Variants in ERCC5 observed in about 807,000 individuals in gnomAD.
The protein encoded by ERCC5 is ERCC excision repair 5, endonuclease, also known as DNA excision repair protein ERCC-5.
In ERCC5, 68 loss-of-function variants were observed where a neutral mutation model predicts 105.6. The observed-to-expected ratio is 0.64, with a 90% CI of 0.53 to 0.79. ERCC5 has a LOEUF of 0.79. Among genes scored for constraint, ERCC5 ranks in the 30% least tolerant of loss-of-function variants. ERCC5 has a pLI of 0.00. For synonymous variants in ERCC5, 546 were observed against 526.2 expected, an observed-to-expected ratio of 1.04 and a Z score of -0.51; for missense variants, 1,373 against 1,426.7, an observed-to-expected ratio of 0.96 and a Z score of 0.61.
intron 6 of ERCC5, among the ~76,000 whole-genome samples, chr13:102,859,386 GCAGTAGCACA>G (rs1161183581): frequency 1.6e-4 from 24 of 152,254 alleles, no homozygotes; most frequent in African/African-American, 5.1e-4. Context: ...CAAAGAATGT[GCAGTAGCACA>G]CACTAAGGTG....
intron 12 of ERCC5, among the ~76,000 whole-genome samples, chr13:102,869,052 T>C (rs1882943669): frequency 6.6e-6 from 1 of 152,208 alleles, no homozygotes; most frequent in African/African-American, 2.4e-5. Flanking sequence ...CGTGAGATGC[T>C]GTTTGGTGGT....
At chr13:102,856,966 A>G (rs1390312559) in intron 5 of ERCC5, among the ~76,000 whole-genome samples, 1 of 152,242 alleles carries the variant, frequency 6.6e-6, no homozygotes, top group East Asian at 1.9e-4. Context: ...CTCAGAAGCT[A>G]GTTACTGCCC....
intron 1 of ERCC5, among the ~76,000 whole-genome samples, chr13:102,847,579 C>A (rs1167784880): frequency 6.6e-6 from 1 of 152,044 alleles, no homozygotes; most frequent in East Asian, 1.9e-4. Context: ...TCATTTTTTG[C>A]AAGTGAATAA....
intron 1 of ERCC5, chr13:102,849,134 G>A (rs1882095459): frequency 3.9e-6 from 2 of 518,878 alleles, no homozygotes; most frequent in Non-Finnish European, 7.7e-6. Context: ...CTTGTAGCAA[G>A]CAGAAACATC....
At chr13:102,858,568 C>T (rs758939400) in intron 6 of ERCC5, 150 bp downstream of exon 6, 101 of 1,230,394 alleles carry the variant, frequency 8.2e-5, no homozygotes, top group Non-Finnish European at 9.9e-5. Context: ...TAAGAAGCAT[C>T]GTATATTTAT....
Position 102,862,044 on chromosome 13 carries a change from A to G in ERCC5, c.895A>G (p.Thr299Ala), listed in dbSNP as rs1882639623. Reference sequence around the variant, plus strand: ...TTCTTCTTAAGGTATTCAAGCTAAGACAGTTGCAGAAGTGGATTCAGAGTC... The same window carrying G: ...TTCTTCTTAAGGTATTCAAGCTAAGGCAGTTGCAGAAGTGGATTCAGAGTC... ...YILIKGIQAKTVAEVDSESLP... is the reference protein window; with the variant it reads ...YILIKGIQAKAVAEVDSESLP... Residue 299 changes from threonine (T) to alanine (A), a missense_variant, in exon 8 of 15, where the codon ACA becomes GCA. By Grantham distance (58) the Thr-to-Ala change is moderately conservative. This residue lies in a region of ERCC5 where 1,004 missense variants were observed against 1,059.7 expected (regional missense o/e 0.95). Transcript: ENST00000652225. 2 of 1,614,242 alleles carry G rather than the reference A, an allele frequency of 1.2e-6. No individual in the cohort carries two copies. Among genetic ancestry groups the G allele is most frequent in the Non-Finnish European group, 1.7e-6 (2 of 1,180,046 alleles).
chr13:102,852,376 T>G, intron 2 of ERCC5, 83 bp downstream of exon 2: 1 of 1,533,656 alleles, frequency 6.5e-7, no homozygotes, highest in Non-Finnish European at 8.9e-7. Context: ...AAATTTTTGT[T>G]TTCTCTTTAG....
chr13:102,853,065 G>A (rs981440731), intron 2 of ERCC5, among the ~76,000 whole-genome samples: 9 of 152,150 alleles, frequency 5.9e-5, no homozygotes, highest in African/African-American at 2.2e-4. Context: ...TAGGATAAAA[G>A]TAAGGATATA....
In ERCC5 at chr13:102,846,297, G is replaced by C. The variant is rs778247692; in HGVS notation, c.31G>C (p.Glu11Gln). The C allele has an allele frequency of 1.9e-6, 3 of 1,614,018 alleles. No individual in the cohort carries two copies. The highest frequency in any genetic ancestry group is 3.3e-5 in the Admixed American group (2 of 60,018). MGVQGLWKLLECSGRQVSPEA... is the reference protein window; with the variant it reads MGVQGLWKLLQCSGRQVSPEA... ...GGTCCAGGGGCTCTGGAAGCTGCTG[G>C]AGTGCTCCGGGCGGCAGGTCAGCCC... The change falls in exon 1 of 15, where the codon GAG becomes CAG. Residue 11 changes from glutamate to glutamine, a missense_variant. By Grantham distance (29) the Glu-to-Gln change is conservative. This residue lies in a region of ERCC5 where 1,004 missense variants were observed against 1,059.7 expected (regional missense o/e 0.95). Transcript: ENST00000652225.
intron 6 of ERCC5, among the ~76,000 whole-genome samples, chr13:102,860,010 A>C (rs1882563045): frequency 1.3e-5 from 2 of 152,184 alleles, no homozygotes; most frequent in African/African-American, 4.8e-5. Context: ...TGGAACGTGA[A>C]TCCTCCCTTT....
chr13:102,858,020 A>G (rs1006798866), intron 5 of ERCC5, among the ~76,000 whole-genome samples: 9 of 152,186 alleles, frequency 5.9e-5, no homozygotes, highest in African/African-American at 2.2e-4. Context: ...CTTAGCACCT[A>G]GAACAGTGCC....
intron 11 of ERCC5, 85 bp from the exon 12 acceptor site, chr13:102,868,028 C>A: frequency 7.6e-7 from 1 of 1,312,854 alleles, no homozygotes; most frequent in Non-Finnish European, 1.1e-6. Flanking sequence ...TAGATATACA[C>A]ACGTACATGA....
intron 12 of ERCC5, among the ~76,000 whole-genome samples, chr13:102,870,744 C>T (rs187389055): frequency 6.6e-6 from 1 of 152,132 alleles, no homozygotes; most frequent in African/African-American, 2.4e-5. Context: ...TAGTAATTTC[C>T]AACGCTAGAT....
At chr13:102,848,694 G>A (rs759522156) in intron 1 of ERCC5, among the ~76,000 whole-genome samples, 10 of 152,038 alleles carry the variant, frequency 6.6e-5, no homozygotes, top group African/African-American at 1.2e-4. Flanking sequence ...TTAATTTTGC[G>A]TATATAAACT....
Position 102,862,343 on chromosome 13 carries a change from C to T in ERCC5, c.1194C>T (p.Asp398=), listed in dbSNP as rs149980370. The T allele has an allele frequency of 1.1e-5, 17 of 1,613,940 alleles. No individual in the cohort carries two copies. Among genetic ancestry groups the T allele is most frequent in the Middle Eastern group, 1.6e-4 (1 of 6,062 alleles). Residue 398 remains aspartate (D), a synonymous_variant, in exon 8 of 15, where the codon GAC becomes GAT. Coordinates refer to ENST00000652225, the MANE Select transcript of ERCC5 (RefSeq NM_000123.4). ...LSAIKRALDD[D]EDVKVCAGDD... ...CCATTAAGAGAGCTCTTGACGATGACGAAGATGTAAAAGTGTGTGCTGGGG... is the reference window on the plus strand; with the variant it reads ...CCATTAAGAGAGCTCTTGACGATGATGAAGATGTAAAAGTGTGTGCTGGGG...
rs768007703 is a variant in ERCC5 at position 102,861,561 on chromosome 13, C to A, written c.727C>A (p.Leu243Met). The A allele has an allele frequency of 6.2e-7, 1 of 1,614,108 alleles. No individual in the cohort carries two copies. The highest frequency in any genetic ancestry group is 1.7e-5 in the Admixed American group (1 of 60,016). Residue 243 changes from leucine to methionine, a missense_variant, in exon 7 of 15, where the codon CTG becomes ATG. Coordinates refer to ENST00000652225, the MANE Select transcript of ERCC5 (RefSeq NM_000123.4). Reference protein sequence around the residue: ...QLKGLLKKNYLNQHIEHVQKE... With the variant: ...QLKGLLKKNYMNQHIEHVQKE... The stretch of plus-strand genomic sequence containing the variant: ...CAAAGGCTTGCTTAAAAAGAACTAT[C>A]TGAACCAGCATATAGAACATGTCCA...
In ERCC5 at chr13:102,854,378, A is replaced by T. The variant is rs372582779; in HGVS notation, c.467+4A>T. The T allele has an allele frequency of 4.3e-6, 7 of 1,613,298 alleles. No homozygotes were observed. In the African/African-American group the frequency reaches 9.3e-5, roughly 22 times the overall value. On this transcript the variant is annotated splice_donor_region_variant and intron_variant, in intron 4 of 14. Transcript: ENST00000652225. The stretch of plus-strand genomic sequence containing the variant: ...TACAAGAGGAAGAAAAACACAGGTA[A>T]ATGTTTAACTATTTAAGAATATTAT...
chr13:102,853,952 C>G (rs1882301874), intron 3 of ERCC5, 80 bp downstream of exon 3: 1 of 1,371,400 alleles, frequency 7.3e-7, no homozygotes, highest in South Asian at 1.2e-5. Context: ...GATTCTCTTT[C>G]CCTATCTAAT....
chr13:102,875,172 T>G, intron 14 of ERCC5, 135 bp from the exon 15 acceptor site: 1 of 1,023,964 alleles, frequency 9.8e-7, no homozygotes, highest in Non-Finnish European at 1.4e-6. Context: ...AGAACTGGGT[T>G]TTGGGAGATA....
Sources: gnomAD v4.1 joint callset for allele counts (sites outside exome capture counted in the v4.1 genomes callset) on GRCh38, gnomAD v4.1.1 for gene constraint, gnomAD v4.1.1 regional missense constraint, MANE v1.5 for transcripts, NCBI Gene and HGNC (gene_info 2026-07-23, HGNC 2026-07-21) for gene names.